The following OLA1 variants were observed in gnomAD, a reference collection of about 807,000 sequenced individuals.
OLA1 encodes obg-like ATPase 1.
Under a neutral mutation model 48.4 loss-of-function variants are expected in OLA1, and 14 were observed. The observed-to-expected ratio is 0.29, with a 90% CI of 0.19 to 0.45. The LOEUF (loss-of-function observed/expected upper bound fraction) is 0.45, where lower values mean the gene tolerates loss of function less well. Ranked by LOEUF, OLA1 falls within the 20% of genes least tolerant of loss-of-function variation. The probability of loss-of-function intolerance (pLI) is 1.00; values close to 1 mark genes in which losing one functional copy is unlikely to be tolerated. For missense variants in OLA1, 325 were observed against 467.1 expected (o/e 0.70, Z 2.80); for synonymous variants, 127 against 150.4 (o/e 0.84, Z 1.14).
At position 174,229,290 on chromosome 2, in the gene OLA1, G is replaced by A; in HGVS notation, c.245+18C>T. The A allele has an allele frequency of 6.2e-7, 1 of 1,609,258 alleles. No homozygotes were observed. Among genetic ancestry groups the A allele is most frequent in the Non-Finnish European group, 8.5e-7 (1 of 1,178,364 alleles). The stretch of plus-strand genomic sequence containing the variant: ...TCTACACAAAATCACCAAATAAATA[G>A]CATAAAATATCTCTTACCTTGCTGG... On this transcript the variant is annotated intron_variant, in intron 3 of 10. Coordinates refer to ENST00000284719, the MANE Select transcript of OLA1 (RefSeq NM_013341.5).
Position 174,096,082 on chromosome 2 carries a change from A to T in OLA1, c.729-14018T>A, listed in dbSNP as rs1685249424. ...AAGACAGACAATAAGTAGTATATCC[A>T]TACAACAGAATATTATTCAGCAATA... On this transcript the variant is annotated intron_variant, in intron 7 of 10. Coordinates refer to ENST00000284719, the MANE Select transcript of OLA1 (RefSeq NM_013341.5). 2.0e-5 allele frequency among the ~76,000 whole-genome samples: 3 copies of T among 152,350 alleles called. No homozygotes were observed. In the South Asian group the frequency reaches 6.2e-4, roughly 32 times the overall value.
intron 4 of OLA1, among the ~76,000 whole-genome samples, chr2:174,144,951 A>AAAAT (rs1181030817): frequency 9.9e-5 from 4 of 40,296 alleles, no homozygotes; most frequent in African/African-American, 3.1e-4. Flanking sequence ...AAAAAAAAAA[A>AAAAT]ATATATATAT....
intron 7 of OLA1, among the ~76,000 whole-genome samples, chr2:174,110,319 T>G (rs1004544202): frequency 2.0e-5 from 3 of 148,870 alleles, no homozygotes; most frequent in Non-Finnish European, 4.5e-5. Context: ...TTTTTTTTTT[T>G]TTTTGTATTT....
chr2:174,105,735 T>C (rs1019061904), intron 7 of OLA1, among the ~76,000 whole-genome samples: 2 of 152,062 alleles, frequency 1.3e-5, no homozygotes, highest in African/African-American at 4.8e-5. Flanking sequence ...AGAAGCTTAA[T>C]ATTAAATTAA....
intron 7 of OLA1, among the ~76,000 whole-genome samples, chr2:174,092,305 T>C (rs1460112642): frequency 6.6e-6 from 1 of 152,078 alleles, no homozygotes; most frequent in Non-Finnish European, 1.5e-5. Flanking sequence ...GCTCAATAAA[T>C]GTTGGATCAG....
chr2:174,138,894 T>A (rs1162462226), intron 5 of OLA1, among the ~76,000 whole-genome samples: 2 of 152,240 alleles, frequency 1.3e-5, no homozygotes, highest in African/African-American at 2.4e-5. Context: ...TCAATTATAA[T>A]TTCTGGTAGT....
intron 4 of OLA1, among the ~76,000 whole-genome samples, chr2:174,208,347 C>T (rs1220341724): frequency 6.6e-6 from 1 of 152,108 alleles, no homozygotes; most frequent in Non-Finnish European, 1.5e-5. Context: ...TTTCTACTTT[C>T]CCTCAACTTC....
intron 4 of OLA1, among the ~76,000 whole-genome samples, chr2:174,179,019 TATAACTTA>T (rs971927373): frequency 3.9e-5 from 6 of 152,072 alleles, no homozygotes; most frequent in Admixed American, 1.3e-4. Context: ...ATCTGAGCTA[TATAACTTA>T]TATTAAAACT....
chr2:174,223,143 A>T lies in OLA1; in HGVS notation c.263T>A (p.Leu88Gln). 1 of 1,613,936 alleles carries T rather than the reference A, an allele frequency of 6.2e-7. No homozygotes were observed. Among genetic ancestry groups the T allele is most frequent in the Non-Finnish European group, 8.5e-7 (1 of 1,179,844 alleles). The change falls in exon 4 of 11, where the codon CTA becomes CAA. Residue 88 changes from leucine (L) to glutamine (Q), a missense_variant. By Grantham distance (113) the Leu-to-Gln change is moderately radical. Coordinates refer to ENST00000284719, the MANE Select transcript of OLA1 (RefSeq NM_013341.5). ...AAGGCCAGCAATATCCACCACATTTAGAAAGGCAGGAATTTTGCTGAAAAA... is the reference window on the plus strand; with the variant it reads ...AAGGCCAGCAATATCCACCACATTTTGAAAGGCAGGAATTTTGCTGAAAAA... ...HKPASKIPAF[L>Q]NVVDIAGLVK...
At chr2:174,111,030 A>C (rs1286375775) in intron 7 of OLA1, among the ~76,000 whole-genome samples, 1 of 152,238 alleles carries the variant, frequency 6.6e-6, no homozygotes, top group African/African-American at 2.4e-5. Flanking sequence ...TGATAAATAA[A>C]TTATATTTCA....
chr2:174,168,334 C>T (rs1056268003), intron 4 of OLA1, among the ~76,000 whole-genome samples: 1 of 152,042 alleles, frequency 6.6e-6, no homozygotes, highest in African/African-American at 2.4e-5. Flanking sequence ...ACTGGAGCTG[C>T]CATCTAAGAA....
At chr2:174,171,139 T>C (rs1687291649) in intron 4 of OLA1, among the ~76,000 whole-genome samples, 1 of 152,070 alleles carries the variant, frequency 6.6e-6, no homozygotes, top group Non-Finnish European at 1.5e-5. Flanking sequence ...GGAGCCAAAA[T>C]CAACAGAAGT....
chr2:174,241,918 G>A (rs1033840326), intron 2 of OLA1, among the ~76,000 whole-genome samples: 2 of 152,274 alleles, frequency 1.3e-5, no homozygotes, highest in African/African-American at 4.8e-5. Context: ...TTACAGGCGT[G>A]AGCCTCTGCA....
chr2:174,247,370 TTAAATAAA>T (rs757408070), intron 1 of OLA1: 9 of 272,224 alleles, frequency 3.3e-5, no homozygotes, highest in African/African-American at 6.6e-5. Context: ...AGGCTCTGTC[TTAAATAAA>T]TAAATAAATA....
chr2:174,185,777 A>G (rs1245161410), intron 4 of OLA1, among the ~76,000 whole-genome samples: 1 of 152,090 alleles, frequency 6.6e-6, no homozygotes, highest in African/African-American at 2.4e-5. Flanking sequence ...AAAATACAAA[A>G]ATTAGCCAGG....
intron 9 of OLA1, among the ~76,000 whole-genome samples, chr2:174,079,518 A>AT (rs1258480065): frequency 6.6e-6 from 1 of 151,982 alleles, no homozygotes; most frequent in Non-Finnish European, 1.5e-5. Context: ...ACAAAGGGAC[A>AT]TTTTAAAGGC....
chr2:174,147,442 G>GA (rs1006587737), intron 4 of OLA1, among the ~76,000 whole-genome samples: 1 of 151,428 alleles, frequency 6.6e-6, no homozygotes, highest in African/African-American at 2.4e-5. Flanking sequence ...AAAAGAAAAA[G>GA]AAAAAAAATC....
intron 4 of OLA1, among the ~76,000 whole-genome samples, chr2:174,180,300 T>G (rs1027833143): frequency 2.6e-5 from 4 of 152,198 alleles, no homozygotes; most frequent in Non-Finnish European, 5.9e-5. Context: ...CCATTTCTAT[T>G]CTTATCAATA....
At chr2:174,117,444 A>G (rs527747769) in intron 7 of OLA1, among the ~76,000 whole-genome samples, 15 of 152,312 alleles carry the variant, frequency 9.8e-5, no homozygotes, top group African/African-American at 3.6e-4. Flanking sequence ...CAACTCCTTG[A>G]TAGTTTCTAC....
Sources: allele counts gnomAD v4.1 joint callset (sites outside exome capture counted in the v4.1 genomes callset), GRCh38; gene constraint gnomAD v4.1.1; transcripts MANE v1.5; gene names NCBI Gene and HGNC (gene_info 2026-07-23, HGNC 2026-07-21).